The following PHKA1 variants were observed in gnomAD, a reference collection of about 807,000 sequenced individuals.
The protein encoded by PHKA1 is phosphorylase kinase regulatory subunit alpha 1.
A neutral mutation model predicts 110.2 loss-of-function variants in PHKA1; 60 were observed. That is an observed-to-expected ratio of 0.54 (90% confidence interval 0.44 to 0.68). The LOEUF (loss-of-function observed/expected upper bound fraction) is 0.68, where lower values mean the gene tolerates loss of function less well. PHKA1 is among the 30% of genes least tolerant of loss of function. The pLI, the probability that PHKA1 is intolerant of heterozygous loss-of-function variation, is 0.00. For synonymous variants in PHKA1, 316 were observed against 333.6 expected, an observed-to-expected ratio of 0.95 and a Z score of 0.58; for missense variants, 801 against 942.5, an observed-to-expected ratio of 0.85 and a Z score of 1.97.
Position 72,602,025 on chromosome X carries a change from T to C in PHKA1, c.3038A>G (p.Glu1013Gly), listed in dbSNP as rs137936397. The part of the protein sequence containing the change: ...MQLKSEIKQV[E>G]FRRLSISAES... ...AGCTGAGATTGACAGTCTACGAAAT[T>C]CCACCTGAAACATAAATGGCTCAAA... Residue 1013 changes from glutamate (E) to glycine (G), a missense_variant, in exon 28 of 32, where the codon GAA becomes GGA. By Grantham distance (98) the Glu-to-Gly change is moderately conservative. This residue lies in a region of PHKA1 where 502 missense variants were observed against 519.2 expected (regional missense o/e 0.97). Coordinates refer to ENST00000373542, the MANE Select transcript of PHKA1 (RefSeq NM_002637.4). 2 of 1,194,069 alleles carry C rather than the reference T, an allele frequency of 1.7e-6. No individual in the cohort carries two copies. The highest frequency in any genetic ancestry group is 1.8e-5 in the African/African-American group (1 of 56,878).
At chrX:72,661,591 G>T (rs1296013263) in intron 8 of PHKA1, among the ~76,000 whole-genome samples, 1 of 109,269 alleles carries the variant, frequency 9.2e-6, no homozygotes, top group Non-Finnish European at 1.9e-5. Context: ...GAACAGAAAT[G>T]TGCATGTATA....
chrX:72,710,000 C>A (rs1556333857), intron 2 of PHKA1, among the ~76,000 whole-genome samples: 1 of 101,033 alleles, frequency 9.9e-6, no homozygotes, highest in South Asian at 5.0e-4. Context: ...CGAGATCGCA[C>A]CGCCGCACTC....
intron 3 of PHKA1, 104 bp from the exon 4 acceptor site, chrX:72,695,980 C>G: frequency 9.0e-6 from 6 of 668,971 alleles, no homozygotes; most frequent in Non-Finnish European, 1.5e-5. Context: ...TGAAGATACA[C>G]TATCTTCAGG....
intron 6 of PHKA1, among the ~76,000 whole-genome samples, chrX:72,670,163 G>A (rs1337873862): frequency 9.0e-6 from 1 of 111,569 alleles, no homozygotes; most frequent in Non-Finnish European, 1.9e-5. Flanking sequence ...GTTTTTTGGT[G>A]GCATAAATGT....
chrX:72,673,561 A>G (rs1556310141), intron 6 of PHKA1, among the ~76,000 whole-genome samples: 5 of 111,599 alleles, frequency 4.5e-5, no homozygotes. Context: ...CTATATGTAA[A>G]TTTGTAATAA....
intron 8 of PHKA1, among the ~76,000 whole-genome samples, chrX:72,660,226 G>A (rs1234718441): frequency 9.0e-6 from 1 of 111,443 alleles, no homozygotes; most frequent in Non-Finnish European, 1.9e-5. Flanking sequence ...CAAACATATA[G>A]TCATGTGTCC....
At chrX:72,587,865 AT>A (rs1234006746) in intron 29 of PHKA1, among the ~76,000 whole-genome samples, 2 of 112,241 alleles carry the variant, frequency 1.8e-5, no homozygotes. Context: ...AAAGGGATCA[AT>A]TCAACAAGAA....
intron 23 of PHKA1, among the ~76,000 whole-genome samples, chrX:72,607,971 G>A (rs2052755134): frequency 1.8e-5 from 2 of 110,882 alleles, no homozygotes; most frequent in African/African-American, 6.6e-5. Flanking sequence ...GGCCAACCTG[G>A]TACCTAAGCT....
intron 28 of PHKA1, among the ~76,000 whole-genome samples, chrX:72,598,194 T>C (rs1196588376): frequency 1.8e-5 from 2 of 111,412 alleles, no homozygotes; most frequent in Non-Finnish European, 3.8e-5. Flanking sequence ...TTAAAATAGG[T>C]ACAAATGTGA....
chrX:72,679,692 TA>T (rs1422324545), intron 5 of PHKA1, among the ~76,000 whole-genome samples: 54 of 110,620 alleles, frequency 4.9e-4, no homozygotes, highest in African/African-American at 1.6e-3. Context: ...ACATTGTAAA[TA>T]AAAAGATTAG....
intron 8 of PHKA1, among the ~76,000 whole-genome samples, chrX:72,663,352 T>G (rs1412071374): frequency 9.3e-6 from 1 of 107,401 alleles, no homozygotes; most frequent in Non-Finnish European, 1.9e-5. Context: ...TAAAAAAGAA[T>G]GAAACAAGCC....
chrX:72,632,355 A>C (rs1181007235), intron 16 of PHKA1, among the ~76,000 whole-genome samples: 1 of 111,766 alleles, frequency 8.9e-6, no homozygotes, highest in African/African-American at 3.2e-5. Context: ...TGAGTACATA[A>C]AATTTTATAT....
At position 72,599,762 on chromosome X, in the gene PHKA1, G is replaced by A. The variant is rs1192706997; in HGVS notation, c.3072+2229C>T. Reference sequence around the variant, plus strand: ...CCAGTATATGTCATGATTTATATAAGAGCATATTCAAAGCACATGTGAATG... The same window carrying A: ...CCAGTATATGTCATGATTTATATAAAAGCATATTCAAAGCACATGTGAATG... On this transcript the variant is annotated intron_variant, in intron 28 of 31. Transcript: ENST00000373542. 1.4e-5 allele frequency: 7 copies of A among 489,496 alleles called. No individual in the cohort carries two copies. The Admixed American group carries it at 1.9e-4, about 13-fold the overall frequency. The allele number at this position is 489,496 out of a possible 1,213,427, so 40.3% of individuals were successfully genotyped here. A position where few individuals can be genotyped will look rare whatever the true frequency, so the allele number is the denominator to read the frequency against.
At chrX:72,705,000 GGAAA>G (rs1456109884) in intron 3 of PHKA1, among the ~76,000 whole-genome samples, 194 bp downstream of exon 3, 1 of 112,042 alleles carries the variant, frequency 8.9e-6, no homozygotes, top group Non-Finnish European at 1.9e-5. Flanking sequence ...AAAAAAGACT[GGAAA>G]GAAACATTCC....
chrX:72,682,346 C>G (rs1556316386), intron 5 of PHKA1, among the ~76,000 whole-genome samples: 1 of 105,069 alleles, frequency 9.5e-6, no homozygotes, highest in African/African-American at 3.4e-5. Context: ...GTGGGGGGGT[C>G]AGCCCCCTGC....
intron 5 of PHKA1, among the ~76,000 whole-genome samples, chrX:72,683,513 G>A (rs1293439481): frequency 8.9e-6 from 1 of 111,980 alleles, no homozygotes; most frequent in Non-Finnish European, 1.9e-5. Context: ...ACAAAGAACT[G>A]CACATATTTA....
At chrX:72,686,070 C>T (rs1343267266) in intron 4 of PHKA1, among the ~76,000 whole-genome samples, 1 of 112,035 alleles carries the variant, frequency 8.9e-6, no homozygotes, top group Non-Finnish European at 1.9e-5. Flanking sequence ...AGTCCTCTCA[C>T]ATTCTTAGAA....
chrX:72,679,542 A>G (rs1404853444), intron 5 of PHKA1, among the ~76,000 whole-genome samples: 1 of 111,117 alleles, frequency 9.0e-6, no homozygotes, highest in Non-Finnish European at 1.9e-5. Context: ...ACATTAAAGC[A>G]TGTATTATAA....
At position 72,668,784 on chromosome X, in the gene PHKA1, C is replaced by G. The variant is rs781945875; in HGVS notation, c.619-1311G>C. The stretch of plus-strand genomic sequence containing the variant: ...CACATATAAATACATTCATTCTAAC[C>G]CCATAGCCTCAAAGTCTTAATTCAT... On this transcript the variant is annotated intron_variant, in intron 6 of 31. Coordinates refer to ENST00000373542, the MANE Select transcript of PHKA1 (RefSeq NM_002637.4). Among the ~76,000 whole-genome samples, 90 of 111,429 alleles carry G rather than the reference C, an allele frequency of 8.1e-4. 1 individual carries two copies. Among genetic ancestry groups the G allele is most frequent in the Non-Finnish European group, 4.9e-4 (26 of 53,105 alleles).
Sources: allele counts gnomAD v4.1 joint callset (sites outside exome capture counted in the v4.1 genomes callset), GRCh38; gene constraint gnomAD v4.1.1; regional missense constraint gnomAD v4.1.1; transcripts MANE v1.5; gene names NCBI Gene and HGNC (gene_info 2026-07-23, HGNC 2026-07-21).